Variants in CDK11B observed in about 807,000 individuals in gnomAD.
The protein encoded by CDK11B is cyclin dependent kinase 11B.
In CDK11B, 37 loss-of-function variants were observed where a neutral mutation model predicts 84.0. The observed-to-expected ratio is 0.44, with a 90% CI of 0.34 to 0.58. The LOEUF (loss-of-function observed/expected upper bound fraction) is 0.58. Ranked by LOEUF, CDK11B falls within the 20% of genes least tolerant of loss-of-function variation. CDK11B has a pLI of 0.02. For missense variants in CDK11B, 427 were observed against 834.0 expected (o/e 0.51, Z 6.01); for synonymous variants, 269 against 309.8 (o/e 0.87, Z 1.38).
At chr1:1,647,456 C>G (rs1376893544) in intron 5 of CDK11B, among the ~76,000 whole-genome samples, 1 of 152,278 alleles carries the variant, frequency 6.6e-6, no homozygotes, top group East Asian at 1.9e-4. Flanking sequence ...AATTTTCAAC[C>G]TTGGCTTCCT....
intron 17 of CDK11B, 79 bp downstream of exon 17, chr1:1,636,603 A>C (rs749159943): frequency 3.7e-5 from 59 of 1,596,546 alleles, no homozygotes; most frequent in Non-Finnish European, 4.7e-5. Context: ...ATCTCAACCC[A>C]GCACCTGTGC....
At chr1:1,649,256 T>C (rs1171726377) in intron 5 of CDK11B, among the ~76,000 whole-genome samples, 3 of 152,192 alleles carry the variant, frequency 2.0e-5, no homozygotes, top group East Asian at 1.9e-4. Context: ...CCCGCCACCA[T>C]GCCCAGCTAA....
intron 10 of CDK11B, 60 bp from the exon 11 acceptor site, chr1:1,640,512 T>C: frequency 6.2e-7 from 1 of 1,612,426 alleles, no homozygotes; most frequent in Non-Finnish European, 8.5e-7. Context: ...AACCTCCTCC[T>C]GCCCCGGGGG....
chr1:1,636,837 C>CGCGAA (rs1639387219), intron 16 of CDK11B, 39 bp from the exon 17 acceptor site: 1 of 1,613,092 alleles, frequency 6.2e-7, no homozygotes, highest in Admixed American at 1.7e-5. Context: ...GGCCAGTGCC[C>CGCGAA]GCGAAGCTGT....
At chr1:1,650,667 T>C (rs1236666417) in intron 4 of CDK11B, among the ~76,000 whole-genome samples, 1 of 63,544 alleles carries the variant, frequency 1.6e-5, no homozygotes, top group South Asian at 4.7e-4. Context: ...GCCCGGCCTT[T>C]TTTTTTTTTT....
intron 4 of CDK11B, among the ~76,000 whole-genome samples, chr1:1,650,068 G>C (rs1441443637): frequency 6.9e-6 from 1 of 145,916 alleles, no homozygotes. Flanking sequence ...GGTCAGATCG[G>C]GACCATCCTG....
At chr1:1,643,333 GAC>G (rs1188545702) in intron 6 of CDK11B, among the ~76,000 whole-genome samples, 17 of 143,208 alleles carry the variant, frequency 1.2e-4, no homozygotes, top group African/African-American at 3.4e-4. Flanking sequence ...CGACCCCACA[GAC>G]ACAGCCCAGC....
At position 1,637,534 on chromosome 1, in the gene CDK11B, G is replaced by T. The variant is rs757491699; in HGVS notation, c.1465-21C>A. On this transcript the variant is annotated intron_variant, in intron 13 of 19. Transcript: ENST00000341832. ...ATCTCCTGCAGGGCACGGCTCTGTG[G>T]GTGCTGGGCACCTCCAGGCCCCCAC... 12 of 1,611,560 alleles carry T rather than the reference G, an allele frequency of 7.4e-6. No individual in the cohort carries two copies. The African/African-American group carries it at 1.6e-4, about 22-fold the overall frequency.
chr1:1,640,340 G>A lies in CDK11B; in HGVS notation c.1188C>T (p.Asp396=). ...GCTCGATGGGCGACAGGGCAGGGGA[G>A]TCGGGCACATAGTCGCCCTCTGTCA... The part of the protein sequence containing the change: ...SALTEGDYVP[D]SPALSPIELK... Residue 396 remains aspartate, a synonymous_variant, in exon 11 of 20, where the codon GAC becomes GAT. Transcript: ENST00000341832. 1 of 1,613,704 alleles carries A rather than the reference G, an allele frequency of 6.2e-7. No homozygotes were observed. Among genetic ancestry groups the A allele is most frequent in the Non-Finnish European group, 8.5e-7 (1 of 1,179,672 alleles).
intron 5 of CDK11B, 26 bp downstream of exon 5, chr1:1,649,473 G>T: frequency 6.7e-7 from 1 of 1,502,728 alleles, no homozygotes; most frequent in African/African-American, 1.4e-5. Context: ...CTTTTATAAA[G>T]TCCTCAACTG....
chr1:1,654,281 C>T (rs1642426825), intron 3 of CDK11B: 1 of 402,708 alleles, frequency 2.5e-6, no homozygotes, highest in South Asian at 1.8e-5. Context: ...AGAACATTTC[C>T]TTTTTTTCCA....
chr1:1,636,605 C>T, intron 17 of CDK11B, 77 bp downstream of exon 17: 3 of 1,596,698 alleles, frequency 1.9e-6, no homozygotes, highest in South Asian at 1.1e-5. Flanking sequence ...CTCAACCCAG[C>T]ACCTGTGCGC....
Position 1,635,545 on chromosome 1 carries a change from C to T in CDK11B, c.*219G>A, listed in dbSNP as rs1338930299. ...CCCCACGTGGGCACCCGAAGATGTC[C>T]ACCCTCTCCGCCCTGGGCAAGTCAC... On this transcript the variant is annotated 3_prime_UTR_variant, in exon 20 of 20. Transcript: ENST00000341832. 4.1e-6 allele frequency: 2 copies of T among 493,504 alleles called. 1 individual carries two copies. Among genetic ancestry groups the T allele is most frequent in the Admixed American group, 6.7e-5 (2 of 29,746 alleles). The allele number at this position is 493,504 out of a possible 1,614,324, so 30.6% of individuals were successfully genotyped here.
intron 4 of CDK11B, among the ~76,000 whole-genome samples, chr1:1,651,319 A>T (rs1641970889): frequency 6.6e-6 from 1 of 152,230 alleles, no homozygotes; most frequent in South Asian, 2.1e-4. Flanking sequence ...TGGACTAGCC[A>T]TTCTGAATGG....
intron 12 of CDK11B, 55 bp from the exon 13 acceptor site, chr1:1,637,938 C>G: frequency 2.5e-6 from 4 of 1,608,694 alleles, no homozygotes; most frequent in Non-Finnish European, 3.4e-6. Context: ...ACGGTACCAA[C>G]AGTGGACTCG....
rs1643178867 is a variant in CDK11B at position 1,658,943 on chromosome 1, C to T, written c.-43G>A. ...ACGCCGCCGCCGCTGCCGCCGCCGC[C>T]GCCGCCGGTCCCGGAGCCAGAGAAG... On this transcript the variant is annotated 5_prime_UTR_variant, in exon 1 of 20. Coordinates refer to ENST00000341832, the MANE Select transcript of CDK11B (RefSeq NM_033486.3). 9.7e-6 allele frequency: 2 copies of T among 205,880 alleles called. No homozygotes were observed. The highest frequency in any genetic ancestry group is 2.0e-5 in the Non-Finnish European group (2 of 101,652). 12.8% of individuals were successfully genotyped at this position (205,880 alleles called of 1,614,324 possible).
chr1:1,636,246 A>C, intron 18 of CDK11B, 87 bp downstream of exon 18: 2 of 1,335,284 alleles, frequency 1.5e-6, no homozygotes. Flanking sequence ...GCAGTTCTGG[A>C]ACGTGGTGAG....
At chr1:1,636,593 A>G in intron 17 of CDK11B, 89 bp downstream of exon 17, 3 of 1,587,262 alleles carry the variant, frequency 1.9e-6, no homozygotes, top group South Asian at 1.1e-5. Flanking sequence ...CCTGGTCCCC[A>G]TCTCAACCCA....
At chr1:1,657,642 T>C (rs1255599641) in intron 1 of CDK11B, 144 bp from the exon 2 acceptor site, 3 of 675,894 alleles carry the variant, frequency 4.4e-6, no homozygotes, top group Admixed American at 6.7e-5. Context: ...CTCAAGACGG[T>C]AACCCTAGCA....
Sources: gnomAD v4.1 joint callset for allele counts (sites outside exome capture counted in the v4.1 genomes callset) on GRCh38, gnomAD v4.1.1 for gene constraint, MANE v1.5 for transcripts, NCBI Gene and HGNC (gene_info 2026-07-23, HGNC 2026-07-21) for gene names.